The following KPNA7 variants were observed in gnomAD, a reference collection of about 807,000 sequenced individuals.
KPNA7 encodes the protein importin subunit alpha-8.
Under a neutral mutation model 53.7 loss-of-function variants are expected in KPNA7, and 54 were observed. The observed-to-expected ratio is 1.01, with a 90% confidence interval of 0.81 to 1.26. The LOEUF (loss-of-function observed/expected upper bound fraction) is 1.26. Among genes scored for constraint, KPNA7 ranks in the 50% most tolerant of loss-of-function variants. The probability of loss-of-function intolerance (pLI) is 0.00; values close to 1 mark genes in which losing one functional copy is unlikely to be tolerated. For synonymous variants in KPNA7, 276 were observed against 259.3 expected (o/e 1.06, Z -0.62); for missense variants, 640 against 644.5 (o/e 0.99, Z 0.07).
chr7:99,187,453 A>G (rs1404929081), intron 7 of KPNA7, among the ~76,000 whole-genome samples: 2 of 151,714 alleles, frequency 1.3e-5, no homozygotes, highest in African/African-American at 4.8e-5. Context: ...ACAGTGTGCC[A>G]TCACAGCTCA....
chr7:99,209,002 A>T (rs1189472947), upstream of KPNA7, among the ~76,000 whole-genome samples: 1 of 152,004 alleles, frequency 6.6e-6, no homozygotes, highest in Non-Finnish European at 1.5e-5. Flanking sequence ...AAATACAAAA[A>T]TTAGTCAGGC....
the KPNA7 span, among the ~76,000 whole-genome samples, chr7:99,168,431 A>G: frequency 6.6e-6 from 1 of 152,124 alleles, no homozygotes; most frequent in African/African-American, 2.4e-5. Flanking sequence ...TACACAAAAC[A>G]TGTGCTTCCA....
At chr7:99,218,303 TTTTTC>T (rs1376970878) in intron 1 of KPNA7, among the ~76,000 whole-genome samples, 1 of 152,208 alleles carries the variant, frequency 6.6e-6, no homozygotes, top group East Asian at 1.9e-4. Flanking sequence ...TTCAAATTTT[TTTTTC>T]TTTTTTTTGT....
the KPNA7 span, among the ~76,000 whole-genome samples, chr7:99,167,043 T>G: frequency 2.0e-5 from 3 of 152,218 alleles, no homozygotes; most frequent in Non-Finnish European, 4.4e-5. Context: ...CCATAATATT[T>G]AGAATAAAAT....
intron 5 of KPNA7, among the ~76,000 whole-genome samples, chr7:99,194,402 A>G (rs1020461904): frequency 6.6e-6 from 1 of 152,166 alleles, no homozygotes; most frequent in Non-Finnish European, 1.5e-5. Context: ...CACTGAAGGC[A>G]GAGTCCTTCT....
At chr7:99,198,115 A>T (rs750585434) in intron 3 of KPNA7, among the ~76,000 whole-genome samples, 1 of 152,186 alleles carries the variant, frequency 6.6e-6, no homozygotes, top group Non-Finnish European at 1.5e-5. Flanking sequence ...AATAAGATTA[A>T]CAGCTGATTT....
At chr7:99,212,400 C>T (rs973297636), upstream of KPNA7, among the ~76,000 whole-genome samples, 13 of 151,840 alleles carry the variant, frequency 8.6e-5, no homozygotes, top group African/African-American at 2.7e-4. Context: ...CCTGCCACCA[C>T]GCCCAGCTAA....
chr7:99,194,849 T>TC (rs1428313439), intron 5 of KPNA7, among the ~76,000 whole-genome samples: 4 of 152,038 alleles, frequency 2.6e-5, no homozygotes, highest in Admixed American at 2.6e-4. Context: ...AAGTGATCCG[T>TC]CCGCCTTGGC....
intron 2 of KPNA7, among the ~76,000 whole-genome samples, chr7:99,204,579 T>C (rs1239145165): frequency 2.0e-5 from 3 of 152,142 alleles, no homozygotes; most frequent in Non-Finnish European, 4.4e-5. Context: ...AATTCTTGCT[T>C]GAAAATGGGT....
chr7:99,196,290 C>T (rs909339001), intron 3 of KPNA7, 124 bp from the exon 4 acceptor site: 2 of 670,528 alleles, frequency 3.0e-6, no homozygotes, highest in Non-Finnish European at 5.3e-6. Flanking sequence ...ATCTTGCATG[C>T]TGTTCTATAT....
At chr7:99,201,662 C>CAAAAAAA (rs111393769) in intron 3 of KPNA7, among the ~76,000 whole-genome samples, 8,208 of 121,608 alleles carry the variant, frequency 0.067, 233 homozygotes, top group South Asian at 0.11. Context: ...GACTCTGTCT[C>CAAAAAAA]AAAAAAAAAA....
At chr7:99,176,712 A>C (rs1024692116) in intron 10 of KPNA7, among the ~76,000 whole-genome samples, 1 of 144,892 alleles carries the variant, frequency 6.9e-6, no homozygotes, top group Non-Finnish European at 1.5e-5. Context: ...CCATCTCTAC[A>C]AAAAAAATAC....
intron 9 of KPNA7, among the ~76,000 whole-genome samples, chr7:99,180,503 GTCTC>G (rs149529881): frequency 1.3e-3 from 188 of 146,698 alleles, no homozygotes; most frequent in African/African-American, 4.1e-3. Context: ...ATCTCTGTCT[GTCTC>G]TCTCTCTCTG....
intron 5 of KPNA7, among the ~76,000 whole-genome samples, chr7:99,193,823 A>G (rs1234158532): frequency 6.6e-6 from 1 of 151,994 alleles, no homozygotes; most frequent in African/African-American, 2.4e-5. Flanking sequence ...GACTATAGGC[A>G]TACACCACTA....
At chr7:99,209,865 G>A (rs1434548852), upstream of KPNA7, among the ~76,000 whole-genome samples, 3 of 151,472 alleles carry the variant, frequency 2.0e-5, no homozygotes, top group African/African-American at 7.3e-5. Flanking sequence ...AAAATAAGCT[G>A]GGCATGGTGG....
At chr7:99,208,501 C>T (rs546411091), upstream of KPNA7, among the ~76,000 whole-genome samples, 1 of 152,216 alleles carries the variant, frequency 6.6e-6, no homozygotes, top group South Asian at 2.1e-4. Flanking sequence ...CGTGATCCAC[C>T]CACCTCGGCC....
At chr7:99,163,383 A>ATATATATATATAT in the KPNA7 span, among the ~76,000 whole-genome samples, 2 of 40,804 alleles carry the variant, frequency 4.9e-5, no homozygotes, top group African/African-American at 9.5e-5. Context: ...ATATATATAT[A>ATATATATATATAT]TTTTTTTTTT....
intron 3 of KPNA7, among the ~76,000 whole-genome samples, chr7:99,199,450 G>A (rs373086299): frequency 4.9e-4 from 75 of 152,184 alleles, no homozygotes; most frequent in Middle Eastern, 3.4e-3. Flanking sequence ...TCACATTCAC[G>A]GTCAATTGAT....
intron 2 of KPNA7, among the ~76,000 whole-genome samples, chr7:99,206,717 C>T (rs1421243240): frequency 1.3e-5 from 2 of 152,102 alleles, no homozygotes; most frequent in Non-Finnish European, 2.9e-5. Flanking sequence ...ATCCTCCCAC[C>T]TTGGCCTCCC....
Sources: gnomAD v4.1 joint callset for allele counts (sites outside exome capture counted in the v4.1 genomes callset) on GRCh38, gnomAD v4.1.1 for gene constraint, MANE v1.5 for transcripts, NCBI Gene and HGNC (gene_info 2026-07-23, HGNC 2026-07-21) for gene names.